Variants in PPP1R12B observed in about 807,000 individuals in gnomAD.
The protein encoded by PPP1R12B is protein phosphatase 1 regulatory subunit 12B, also known as myosin phosphatase target subunit 2.
In PPP1R12B, 76 loss-of-function variants were observed where a neutral mutation model predicts 126.1. The observed-to-expected ratio is 0.60, with a 90% CI of 0.50 to 0.73. The LOEUF (loss-of-function observed/expected upper bound fraction) is 0.73, where lower values mean the gene tolerates loss of function less well. Ranked by LOEUF, PPP1R12B falls within the 30% of genes least tolerant of loss-of-function variation. The pLI is 0.00. For missense variants in PPP1R12B, 1,052 were observed against 1,205.1 expected, an observed-to-expected ratio of 0.87 and a Z score of 1.88; for synonymous variants, 356 against 434.7, an observed-to-expected ratio of 0.82 and a Z score of 2.25.
chr1:202,354,818 T>G (rs1414849534), intron 1 of PPP1R12B, among the ~76,000 whole-genome samples: 3 of 121,980 alleles, frequency 2.5e-5, no homozygotes, highest in Non-Finnish European at 3.6e-5. Context: ...TGGCTAATTG[T>G]TTTTTTTGTT....
intron 1 of PPP1R12B, among the ~76,000 whole-genome samples, chr1:202,372,779 AAAAAAAAT>A (rs1315215799): frequency 6.6e-6 from 1 of 151,994 alleles, no homozygotes; most frequent in Non-Finnish European, 1.5e-5. Flanking sequence ...TCTCAAAATA[AAAAAAAAT>A]AAAAAAGTAA....
chr1:202,571,159 G>T (rs989910956), intron 23 of PPP1R12B, among the ~76,000 whole-genome samples: 2 of 152,136 alleles, frequency 1.3e-5, no homozygotes, highest in African/African-American at 4.8e-5. Context: ...TCTAAATTTG[G>T]AATTATGGAA....
intron 23 of PPP1R12B, among the ~76,000 whole-genome samples, chr1:202,570,991 C>T (rs1688537854): frequency 6.6e-6 from 1 of 152,168 alleles, no homozygotes; most frequent in Non-Finnish European, 1.5e-5. Flanking sequence ...GTAATTGAGG[C>T]AAAAGCTAGA....
intron 18 of PPP1R12B, among the ~76,000 whole-genome samples, chr1:202,498,085 A>G (rs184943859): frequency 2.4e-3 from 360 of 152,326 alleles, no homozygotes; most frequent in Non-Finnish European, 4.0e-3. Context: ...TGAAAATTCT[A>G]TTCTCTACTT....
chr1:202,569,343 TCTC>T (rs1457505489), intron 23 of PPP1R12B, 146 bp downstream of exon 23: 34 of 812,504 alleles, frequency 4.2e-5, no homozygotes, highest in Admixed American at 3.1e-4. Flanking sequence ...AGTGAGCATC[TCTC>T]CTCAGCCATT....
chr1:202,508,936 G>C lies in PPP1R12B; in HGVS notation c.2490+12114G>C, dbSNP rs1025308934. Among the ~76,000 whole-genome samples, 1 of 152,178 alleles carries C rather than the reference G, an allele frequency of 6.6e-6. No individual in the cohort carries two copies. The highest frequency in any genetic ancestry group is 1.5e-5 in the Non-Finnish European group (1 of 68,036). On this transcript the variant is annotated intron_variant, in intron 18 of 23. Coordinates refer to ENST00000608999, the MANE Select transcript of PPP1R12B (RefSeq NM_002481.4). The surrounding 1 kb of genome is among the most constrained non-coding windows in gnomAD (Gnocchi z 4.5). ...AAATATTTTCCACTTTACTGGCCAC[G>C]TAATCTGTTGCAATGACTGAACTCC...
intron 18 of PPP1R12B, among the ~76,000 whole-genome samples, chr1:202,539,189 T>C (rs1014498106): frequency 4.6e-5 from 7 of 152,190 alleles, no homozygotes; most frequent in Non-Finnish European, 8.8e-5. Context: ...TTCGGAGCAA[T>C]CAGCCTTAGA....
chr1:202,357,947 G>T (rs1276577093), intron 1 of PPP1R12B, among the ~76,000 whole-genome samples: 1 of 152,264 alleles, frequency 6.6e-6, no homozygotes, highest in African/African-American at 2.4e-5. Context: ...CTACATAACC[G>T]ATTTCTGTTC....
chr1:202,367,736 T>C (rs1412960114), intron 1 of PPP1R12B, among the ~76,000 whole-genome samples: 2 of 152,186 alleles, frequency 1.3e-5, no homozygotes, highest in Admixed American at 1.3e-4. Flanking sequence ...AAATTTTACA[T>C]ATAGTAAAAT....
intron 23 of PPP1R12B, among the ~76,000 whole-genome samples, chr1:202,571,097 A>C (rs1688547843): frequency 6.6e-6 from 1 of 152,196 alleles, no homozygotes; most frequent in Non-Finnish European, 1.5e-5. Flanking sequence ...ACAAAAACCC[A>C]GAAAGTGGTC....
At chr1:202,497,827 A>G (rs1679749581) in intron 18 of PPP1R12B, among the ~76,000 whole-genome samples, 1 of 152,334 alleles carries the variant, frequency 6.6e-6, no homozygotes, top group East Asian at 1.9e-4. Flanking sequence ...TATGAATTAT[A>G]GCAACTCTTA....
intron 4 of PPP1R12B, among the ~76,000 whole-genome samples, chr1:202,426,238 A>G (rs1669488618): frequency 6.6e-6 from 1 of 152,134 alleles, no homozygotes. Context: ...TTGGTACTTA[A>G]TGTTCACAGG....
intron 18 of PPP1R12B, chr1:202,501,819 T>A (rs1489930583): frequency 1.0e-6 from 1 of 978,978 alleles, no homozygotes; most frequent in African/African-American, 1.8e-5. Context: ...ACTTACATCC[T>A]TTTCTATTCC....
chr1:202,507,847 C>A (rs1253434972), intron 18 of PPP1R12B, among the ~76,000 whole-genome samples: 3 of 152,190 alleles, frequency 2.0e-5, no homozygotes, highest in Non-Finnish European at 4.4e-5. Context: ...CTGTTGATAG[C>A]ATGGCTGGAG....
chr1:202,495,754 G>GA, intron 17 of PPP1R12B, 72 bp downstream of exon 17: 1 of 1,357,362 alleles, frequency 7.4e-7, no homozygotes. Flanking sequence ...GAGTTTAAAA[G>GA]AAAGAGTCCC....
intron 11 of PPP1R12B, among the ~76,000 whole-genome samples, chr1:202,442,135 C>T (rs1308612657): frequency 6.6e-6 from 1 of 152,150 alleles, no homozygotes; most frequent in African/African-American, 2.4e-5. Context: ...AGATGTGAGT[C>T]ACTATGCCCA....
chr1:202,421,145 G>A (rs1268501347), intron 2 of PPP1R12B, among the ~76,000 whole-genome samples: 2 of 151,550 alleles, frequency 1.3e-5, no homozygotes, highest in African/African-American at 2.4e-5. Flanking sequence ...TAGTAGAGAT[G>A]GGTTTCACCA....
At chr1:202,418,168 G>A (rs567272563) in intron 2 of PPP1R12B, among the ~76,000 whole-genome samples, 1 of 152,310 alleles carries the variant, frequency 6.6e-6, no homozygotes, top group East Asian at 1.9e-4. Context: ...ACAGGAAGGA[G>A]GGCTCTTATT....
intron 18 of PPP1R12B, among the ~76,000 whole-genome samples, chr1:202,535,390 A>C (rs2148949635): frequency 6.6e-6 from 1 of 151,820 alleles, no homozygotes; most frequent in East Asian, 1.9e-4. Flanking sequence ...GAAATTACTC[A>C]ACTGGTTCAT....
Sources: allele counts gnomAD v4.1 joint callset (sites outside exome capture counted in the v4.1 genomes callset), GRCh38; gene constraint gnomAD v4.1.1; non-coding constraint Gnocchi (gnomAD v3.1); transcripts MANE v1.5; gene names NCBI Gene and HGNC (gene_info 2026-07-23, HGNC 2026-07-21).